Variants in PCDH15 observed in about 807,000 individuals in gnomAD.
PCDH15 encodes protocadherin related 15, also known as protocadherin-15.
PCDH15 carries 129 observed loss-of-function variants against 178.5 expected under a neutral mutation model. That is an observed-to-expected ratio of 0.72 (90% CI 0.63 to 0.84). The LOEUF is 0.84. Ranked by LOEUF, PCDH15 falls within the 40% of genes least tolerant of loss-of-function variation. The pLI, the probability that PCDH15 is intolerant of heterozygous loss-of-function variation, is 0.00. For missense variants in PCDH15, 2,230 were observed against 2,099.9 expected, an observed-to-expected ratio of 1.06 and a Z score of -1.21; for synonymous variants, 800 against 732.0, an observed-to-expected ratio of 1.09 and a Z score of -1.50.
intron 23 of PCDH15, among the ~76,000 whole-genome samples, chr10:53,941,203 G>T (rs1026327561): frequency 2.0e-5 from 3 of 152,060 alleles, no homozygotes; most frequent in African/African-American, 7.2e-5. Flanking sequence ...TTACATGAGG[G>T]TGCATATTGT....
chr10:55,105,524 T>A (rs1842654713), intron 2 of PCDH15, among the ~76,000 whole-genome samples: 1 of 152,184 alleles, frequency 6.6e-6, no homozygotes, highest in Non-Finnish European at 1.5e-5. Flanking sequence ...TCACAGGAAC[T>A]TTTTTAAGCC....
At chr10:53,894,852 C>A (rs887703073) in intron 26 of PCDH15, among the ~76,000 whole-genome samples, 1 of 152,104 alleles carries the variant, frequency 6.6e-6, no homozygotes, top group Admixed American at 6.6e-5. Flanking sequence ...TAAAGTCTCA[C>A]AGAGAGATAA....
chr10:53,907,287 C>T (rs1564738862), intron 25 of PCDH15: 1 of 151,960 alleles, frequency 6.6e-6, no homozygotes, highest in Non-Finnish European at 1.5e-5. Context: ...AACTTTTTTT[C>T]CATGTTGTAT....
intron 8 of PCDH15, among the ~76,000 whole-genome samples, chr10:54,311,758 C>A (rs1023236670): frequency 5.3e-5 from 8 of 151,778 alleles, no homozygotes; most frequent in African/African-American, 1.9e-4. Flanking sequence ...CATTAATTTG[C>A]CAAAGAGAGT....
At position 54,298,865 on chromosome 10, in the gene PCDH15, C is replaced by A. The variant is rs571589575; in HGVS notation, c.876+18406G>T. Among the ~76,000 whole-genome samples, 4 of 152,240 alleles carry A rather than the reference C, an allele frequency of 2.6e-5. No individual in the cohort carries two copies. The South Asian group carries it at 8.3e-4, about 31-fold the overall frequency. ...TGGGAGAGCCTGTAACCAGGTATTT[C>A]TCCCACCTCCTCTGTTGTAATTGGA... On this transcript the variant is annotated intron_variant, in intron 8 of 37. Transcript: ENST00000644397.
chr10:54,387,490 G>A (rs1950062921), intron 3 of PCDH15, among the ~76,000 whole-genome samples: 1 of 152,080 alleles, frequency 6.6e-6, no homozygotes, highest in South Asian at 2.1e-4. Flanking sequence ...AAACAAATAT[G>A]GCATGATTAT....
intron 1 of PCDH15, among the ~76,000 whole-genome samples, chr10:55,279,553 G>T (rs1170840881): frequency 6.6e-6 from 1 of 152,144 alleles, no homozygotes; most frequent in South Asian, 2.1e-4. Flanking sequence ...CTCATGCTTA[G>T]TTTAATGCTG....
chr10:55,117,956 C>T (rs561094803), intron 2 of PCDH15, among the ~76,000 whole-genome samples: 24 of 152,212 alleles, frequency 1.6e-4, no homozygotes, highest in African/African-American at 5.8e-4. Context: ...CCTGAAAAGT[C>T]TCCTTCAGTT....
At chr10:54,368,358 AAATAT>A (rs2134688949) in intron 5 of PCDH15, among the ~76,000 whole-genome samples, 1 of 152,144 alleles carries the variant, frequency 6.6e-6, no homozygotes, top group African/African-American at 2.4e-5. Context: ...TGGTCTGGTA[AAATAT>A]GTACTATCAC....
chr10:54,362,645 G>T (rs11004255), intron 5 of PCDH15, among the ~76,000 whole-genome samples: 1 of 151,688 alleles, frequency 6.6e-6, no homozygotes, highest in Admixed American at 6.6e-5. Context: ...GATCCTTATA[G>T]AGCCGTGCGT....
intron 5 of PCDH15, among the ~76,000 whole-genome samples, chr10:54,358,223 C>G (rs1589016193): frequency 1.3e-5 from 2 of 150,918 alleles, no homozygotes; most frequent in Non-Finnish European, 2.9e-5. Flanking sequence ...TCAGAGTGAA[C>G]AGGCAACCTA....
intron 1 of PCDH15, among the ~76,000 whole-genome samples, chr10:55,292,973 G>A (rs368810147): frequency 1.3e-5 from 2 of 152,158 alleles, no homozygotes; most frequent in East Asian, 3.9e-4. Context: ...CTGTGTGGGG[G>A]CTCCGACTCC....
At chr10:54,560,439 A>G (rs2087954510) in intron 2 of PCDH15, among the ~76,000 whole-genome samples, 2 of 152,032 alleles carry the variant, frequency 1.3e-5, no homozygotes, top group Non-Finnish European at 2.9e-5. Flanking sequence ...CTTGACGTAT[A>G]TTTAGATTGT....
At chr10:54,950,979 C>T (rs1838323611) in intron 2 of PCDH15, among the ~76,000 whole-genome samples, 1 of 151,862 alleles carries the variant, frequency 6.6e-6, no homozygotes, top group Admixed American at 6.6e-5. Flanking sequence ...TATTTCCTCA[C>T]CTCCACCCCT....
intron 1 of PCDH15, among the ~76,000 whole-genome samples, chr10:55,252,520 A>G (rs1211812624): frequency 6.6e-6 from 1 of 152,176 alleles, no homozygotes; most frequent in Non-Finnish European, 1.5e-5. Flanking sequence ...TAATATTTTC[A>G]TCTATCCTTA....
In PCDH15 at chr10:54,800,914, G is replaced by A. The variant is rs920886254; in HGVS notation, c.-29+11C>T. ...TGAAAAAAATAAGAGAAGGGCGGGG[G>A]AAGAACTTACTTGCGGTTTAAAGTT... On this transcript the variant is annotated intron_variant, in intron 1 of 37. Coordinates refer to ENST00000644397, the MANE Select transcript of PCDH15 (RefSeq NM_001384140.1). The A allele has an allele frequency of 6.6e-6, 1 of 152,098 alleles. No individual in the cohort carries two copies. Among genetic ancestry groups the A allele is most frequent in the Non-Finnish European group, 1.5e-5 (1 of 68,026 alleles). The allele number at this position is 152,098 out of a possible 1,614,324, so 9.4% of individuals were successfully genotyped here.
At chr10:54,566,857 T>C (rs1380071183) in intron 2 of PCDH15, among the ~76,000 whole-genome samples, 1 of 152,162 alleles carries the variant, frequency 6.6e-6, no homozygotes, top group Non-Finnish European at 1.5e-5. Context: ...CCAAGGAGAA[T>C]GACCGCTGGA....
chr10:55,509,359 C>T (rs1450289264), intron 2 of PCDH15, among the ~76,000 whole-genome samples: 1 of 151,658 alleles, frequency 6.6e-6, no homozygotes, highest in Admixed American at 6.6e-5. Flanking sequence ...AAACCAAAAC[C>T]TAAAAACGAA....
intron 1 of PCDH15, among the ~76,000 whole-genome samples, chr10:54,672,826 G>A (rs1419723821): frequency 6.6e-6 from 1 of 151,864 alleles, no homozygotes; most frequent in African/African-American, 2.4e-5. Context: ...CAAATTTTGA[G>A]CTATAACTCA....
Sources: gnomAD v4.1 joint callset for allele counts (sites outside exome capture counted in the v4.1 genomes callset) on GRCh38, gnomAD v4.1.1 for gene constraint, MANE v1.5 for transcripts, NCBI Gene and HGNC (gene_info 2026-07-23, HGNC 2026-07-21) for gene names.